The following SESTD1 variants were observed in gnomAD, a reference collection of about 807,000 sequenced individuals.
SESTD1 encodes the protein SEC14 domain and spectrin repeat-containing protein 1.
A neutral mutation model predicts 101.7 loss-of-function variants in SESTD1; 43 were observed. The observed-to-expected ratio is 0.42, with a 90% CI of 0.33 to 0.55. SESTD1 has a LOEUF of 0.55. Among genes scored for constraint, SESTD1 ranks in the 20% least tolerant of loss-of-function variants. SESTD1 has a pLI of 0.07. For synonymous variants in SESTD1, 283 were observed against 286.8 expected (o/e 0.99, Z 0.13); for missense variants, 647 against 815.1 (o/e 0.79, Z 2.51).
chr2:179,204,100 T>C (rs545960142), intron 1 of SESTD1, among the ~76,000 whole-genome samples: 2 of 133,312 alleles, frequency 1.5e-5, no homozygotes, highest in South Asian at 2.9e-4. Flanking sequence ...AATATTGTCA[T>C]TGAAAAGTTT....
At chr2:179,122,028 T>C (rs1559099575) in intron 12 of SESTD1, 99 bp from the exon 13 acceptor site, 10 of 1,230,760 alleles carry the variant, frequency 8.1e-6, no homozygotes, top group Non-Finnish European at 1.1e-5. Flanking sequence ...GGATCCCAAG[T>C]ATAGGAGCTT....
intron 1 of SESTD1, among the ~76,000 whole-genome samples, chr2:179,208,261 T>G (rs1375605491): frequency 7.4e-6 from 1 of 135,488 alleles, no homozygotes; most frequent in Non-Finnish European, 1.6e-5. Context: ...TTGGTGTTCC[T>G]GAGGAAGAAG....
chr2:179,181,939 G>T (rs79532902), intron 3 of SESTD1, among the ~76,000 whole-genome samples: 8,360 of 145,278 alleles, frequency 0.058, 299 homozygotes, highest in South Asian at 0.094. Context: ...TTCACCCCCA[G>T]AAACTGAAAA....
rs747057399 is a variant in SESTD1 at position 179,172,094 on chromosome 2, A to T, written c.369+26T>A. ...AATACTATTTTTAAAGATATAATGG[A>T]CTTTAAAAAAAGAGATTACATTTAC... On this transcript the variant is annotated intron_variant, in intron 5 of 17. Transcript: ENST00000428443. 4 of 1,365,828 alleles carry T rather than the reference A, an allele frequency of 2.9e-6. No homozygotes were observed. In the South Asian group the frequency reaches 4.8e-5, roughly 16 times the overall value. The allele number at this position is 1,365,828 out of a possible 1,614,324, so 84.6% of individuals were successfully genotyped here.
chr2:179,148,666 G>A (rs1299397362), intron 7 of SESTD1, among the ~76,000 whole-genome samples: 1 of 152,094 alleles, frequency 6.6e-6, no homozygotes, highest in East Asian at 1.9e-4. Flanking sequence ...TTCTTAACCA[G>A]GAAAGAAGAT....
intron 1 of SESTD1, among the ~76,000 whole-genome samples, chr2:179,255,397 A>T (rs2047378631): frequency 6.6e-6 from 1 of 152,248 alleles, no homozygotes; most frequent in Non-Finnish European, 1.5e-5. Context: ...ACGAATGATA[A>T]GAAAGTGAAA....
chr2:179,117,720 C>T, intron 13 of SESTD1, 107 bp from the exon 14 acceptor site: 1 of 788,368 alleles, frequency 1.3e-6, no homozygotes, highest in East Asian at 3.1e-5. Flanking sequence ...AATACTTAGT[C>T]CTAAACAATG....
At chr2:179,172,322 C>T (rs2045941579) in intron 4 of SESTD1, 89 bp from the exon 5 acceptor site, 2 of 779,070 alleles carry the variant, frequency 2.6e-6, no homozygotes, top group Non-Finnish European at 3.9e-6. Context: ...CAAGATTATG[C>T]TACATAAGAG....
chr2:179,191,909 T>A, intron 1 of SESTD1, 43 bp from the exon 2 acceptor site: 1 of 1,296,650 alleles, frequency 7.7e-7, no homozygotes, highest in Non-Finnish European at 1.1e-6. Context: ...AGACAACAAT[T>A]ATTCCACGAA....
At chr2:179,237,274 C>A (rs969263179) in intron 1 of SESTD1, among the ~76,000 whole-genome samples, 1 of 152,050 alleles carries the variant, frequency 6.6e-6, no homozygotes, top group Non-Finnish European at 1.5e-5. Flanking sequence ...ACCATACTTA[C>A]AGAAATTAGC....
At chr2:179,129,021 C>T (rs965688457) in intron 10 of SESTD1, among the ~76,000 whole-genome samples, 2 of 152,140 alleles carry the variant, frequency 1.3e-5, no homozygotes, top group African/African-American at 4.8e-5. Context: ...GATATTTATA[C>T]TTTATACCAT....
At chr2:179,236,323 TAAAAAAAAAAAAAA>T (rs552456681) in intron 1 of SESTD1, among the ~76,000 whole-genome samples, 1 of 66,718 alleles carries the variant, frequency 1.5e-5, no homozygotes, top group Non-Finnish European at 2.6e-5. Flanking sequence ...CCTCATCTCT[TAAAAAAAAAAAAAA>T]AAAAAAAAAA....
In SESTD1 at chr2:179,229,749, T is replaced by TTATATATATATATATATATATATA. The variant is rs71023472; in HGVS notation, c.-26+34726_-26+34749dup. Among the ~76,000 whole-genome samples the TTATATATATATATATATATATATA allele has an allele frequency of 5.8e-3, 615 of 106,124 alleles. 4 individuals carry two copies. Among genetic ancestry groups the TTATATATATATATATATATATATA allele is most frequent in the South Asian group, 0.017 (43 of 2,534 alleles). The allele number at this position is 106,124 out of a possible 152,430, so 69.6% of individuals were successfully genotyped here. Reference sequence around the variant, plus strand: ...AAGAAATTTAAGATTTTGTAAGAACTTATATATATATATATATATATATAT... The same window carrying TTATATATATATATATATATATATA: ...AAGAAATTTAAGATTTTGTAAGAACTTATATATATATATATATATATATATATATATATATATATATATATATAT... On this transcript the variant is annotated intron_variant, in intron 1 of 17. Transcript: ENST00000428443.
At chr2:179,156,761 C>G (rs1208306187) in intron 5 of SESTD1, among the ~76,000 whole-genome samples, 5 of 152,108 alleles carry the variant, frequency 3.3e-5, no homozygotes, top group Non-Finnish European at 7.4e-5. Flanking sequence ...TTTTCTCCCC[C>G]TCTGTAGGTT....
At chr2:179,164,651 G>C (rs1044529648) in intron 5 of SESTD1, among the ~76,000 whole-genome samples, 3 of 152,120 alleles carry the variant, frequency 2.0e-5, no homozygotes, top group Admixed American at 2.0e-4. Context: ...GATATACAGA[G>C]AAATATTAAG....
intron 1 of SESTD1, among the ~76,000 whole-genome samples, chr2:179,232,074 T>C (rs1340860293): frequency 6.6e-6 from 1 of 151,984 alleles, no homozygotes; most frequent in Non-Finnish European, 1.5e-5. Context: ...CCTTCTCAAA[T>C]GGACATCAAT....
chr2:179,260,022 G>A (rs1432418904), intron 1 of SESTD1, among the ~76,000 whole-genome samples: 1 of 152,158 alleles, frequency 6.6e-6, no homozygotes, highest in African/African-American at 2.4e-5. Context: ...ACTGTCCCTA[G>A]CTCCACCATC....
intron 1 of SESTD1, among the ~76,000 whole-genome samples, chr2:179,215,236 C>G (rs1209158474): frequency 7.4e-6 from 1 of 134,258 alleles, no homozygotes; most frequent in African/African-American, 3.0e-5. Flanking sequence ...AATTGATAGA[C>G]CACTAGCAAG....
intron 1 of SESTD1, among the ~76,000 whole-genome samples, chr2:179,242,752 C>T (rs974512960): frequency 1.3e-5 from 2 of 152,136 alleles, no homozygotes; most frequent in South Asian, 2.1e-4. Flanking sequence ...TAGCCACGTG[C>T]AGAAGAATGA....
Sources: gnomAD v4.1 joint callset for allele counts (sites outside exome capture counted in the v4.1 genomes callset) on GRCh38, gnomAD v4.1.1 for gene constraint, MANE v1.5 for transcripts, NCBI Gene and HGNC (gene_info 2026-07-23, HGNC 2026-07-21) for gene names.